IRAK3: variants seen among roughly 807,000 people sequenced by gnomAD.
IRAK3 encodes the protein interleukin 1 receptor associated kinase 3.
Under a neutral mutation model 56.6 loss-of-function variants are expected in IRAK3, and 57 were observed. The ratio of observed to expected loss-of-function variants is 1.01; its 90% CI spans 0.81 to 1.26. IRAK3 has a LOEUF of 1.26. Among genes scored for constraint, IRAK3 ranks in the 50% most tolerant of loss-of-function variants. The pLI, the probability that IRAK3 is intolerant of heterozygous loss-of-function variation, is 0.00. For synonymous variants in IRAK3, 258 were observed against 255.7 expected (o/e 1.01, Z -0.09); for missense variants, 703 against 719.0 (o/e 0.98, Z 0.25).
intron 6 of IRAK3, among the ~76,000 whole-genome samples, chr12:66,223,646 G>A (rs575574738): frequency 1.2e-3 from 185 of 149,042 alleles, no homozygotes; most frequent in South Asian, 6.2e-3. Context: ...GCAACAGAGC[G>A]AGACTCCGTC....
In IRAK3 at chr12:66,196,788, T is replaced by C. The variant is rs1405051910; in HGVS notation, c.134-6923T>C. 2.4e-5 allele frequency: 31 copies of C among 1,288,436 alleles called. 1 individual carries two copies. In the East Asian group the frequency reaches 5.0e-4, roughly 21 times the overall value. 79.8% of individuals were successfully genotyped at this position (1,288,436 alleles called of 1,614,324 possible). A position where few individuals can be genotyped will look rare whatever the true frequency, so the allele number is the denominator to read the frequency against. On this transcript the variant is annotated intron_variant, in intron 1 of 11. Coordinates refer to ENST00000261233, the MANE Select transcript of IRAK3 (RefSeq NM_007199.3). Reference sequence around the variant, plus strand: ...TGTTTTACTCTTTTGGAATTAAAAATGTCTTTAACCTTAAAAGTTCTTTTA... The same window carrying C: ...TGTTTTACTCTTTTGGAATTAAAAACGTCTTTAACCTTAAAAGTTCTTTTA...
intron 1 of IRAK3, among the ~76,000 whole-genome samples, chr12:66,201,485 C>T (rs1226538919): frequency 2.0e-5 from 3 of 152,200 alleles, no homozygotes; most frequent in African/African-American, 4.8e-5. Flanking sequence ...AAGCCCAAAA[C>T]ACATTGTTAA....
intron 8 of IRAK3, chr12:66,234,863 T>C (rs1267305624): frequency 1.2e-6 from 2 of 1,612,030 alleles, no homozygotes; most frequent in African/African-American, 2.7e-5. Context: ...ATTAGAAATG[T>C]AGAGGTTGGT....
At chr12:66,201,591 T>C (rs1317986517) in intron 1 of IRAK3, among the ~76,000 whole-genome samples, 2 of 152,232 alleles carry the variant, frequency 1.3e-5, no homozygotes, top group Admixed American at 6.5e-5. Context: ...TGCCTCAAAG[T>C]ACACTTTAAA....
chr12:66,214,539 A>AAAAACAAAACAAAAC (rs71096078), intron 5 of IRAK3, among the ~76,000 whole-genome samples: 58,477 of 147,752 alleles, frequency 0.4, 14,481 homozygotes, highest in Non-Finnish European at 0.52. Flanking sequence ...AGACCCTATC[A>AAAAACAAAACAAAAC]AAAACAAAAC....
chr12:66,227,151 G>A (rs1460898770), intron 7 of IRAK3, among the ~76,000 whole-genome samples: 2 of 152,022 alleles, frequency 1.3e-5, no homozygotes, highest in Admixed American at 1.3e-4. Context: ...CAGTGAGTTG[G>A]CATCAACTAC....
intron 6 of IRAK3, among the ~76,000 whole-genome samples, chr12:66,222,320 G>C (rs1592591258): frequency 6.6e-6 from 1 of 151,944 alleles, no homozygotes; most frequent in East Asian, 1.9e-4. Flanking sequence ...TCTTCGTTGG[G>C]AGGTTTTTGA....
intron 6 of IRAK3, among the ~76,000 whole-genome samples, chr12:66,222,935 G>C (rs953412589): frequency 3.2e-4 from 49 of 152,232 alleles, no homozygotes; most frequent in Middle Eastern, 3.4e-3. Context: ...AGTCCGAAAA[G>C]AGAGTCAGCG....
chr12:66,220,514 C>CTTCTTTTTTTT lies in IRAK3; in HGVS notation c.653+3281_653+3282insCTTTTTTTTTT, dbSNP rs767977181. On this transcript the variant is annotated intron_variant, in intron 6 of 11. Transcript: ENST00000261233. ...AATGCCTCTGGCTTTGTTCTTCTTT[C>CTTCTTTTTTTT]TTTTTTTTTTTTTTTTTTTTTTTTG... 1.6e-3 allele frequency among the ~76,000 whole-genome samples: 110 copies of CTTCTTTTTTTT among 67,354 alleles called. 1 individual carries two copies. Among genetic ancestry groups the CTTCTTTTTTTT allele is most frequent in the African/African-American group, 2.6e-3 (36 of 13,646 alleles). The allele number at this position is 67,354 out of a possible 152,430, so 44.2% of individuals were successfully genotyped here.
At chr12:66,202,344 T>TTG (rs530631248) in intron 1 of IRAK3, among the ~76,000 whole-genome samples, 1 of 152,060 alleles carries the variant, frequency 6.6e-6, no homozygotes, top group Non-Finnish European at 1.5e-5. Flanking sequence ...CTATACACCA[T>TTG]TGTCCAATCA....
chr12:66,198,843 C>A (rs1202294793), intron 1 of IRAK3, among the ~76,000 whole-genome samples: 1 of 151,200 alleles, frequency 6.6e-6, no homozygotes, highest in Non-Finnish European at 1.5e-5. Context: ...GTAGCTTCAA[C>A]CTCCTGGGCT....
chr12:66,250,916 T>A lies in IRAK3; in HGVS notation c.*2745T>A, dbSNP rs2053092829. 6.6e-6 allele frequency: 1 copy of A among 152,228 alleles called. No individual in the cohort carries two copies. Among genetic ancestry groups the A allele is most frequent in the Non-Finnish European group, 1.5e-5 (1 of 68,042 alleles). 9.4% of individuals were successfully genotyped at this position (152,228 alleles called of 1,614,324 possible). A position where few individuals can be genotyped will look rare whatever the true frequency, so the allele number is the denominator to read the frequency against. ...TCCCAGGTGATGCTGATGCCAATGA[T>A]GTGAAGCCCGCTCTTCACATCCGTG... On this transcript the variant is annotated 3_prime_UTR_variant, in exon 12 of 12. Transcript: ENST00000261233.
intron 1 of IRAK3, chr12:66,196,879 G>A: frequency 6.6e-7 from 1 of 1,508,562 alleles, no homozygotes. Flanking sequence ...TTCCCTTACA[G>A]TGTCTAAAAA....
At chr12:66,238,229 G>A (rs1356910393) in intron 8 of IRAK3, among the ~76,000 whole-genome samples, 6 of 152,210 alleles carry the variant, frequency 3.9e-5, no homozygotes, top group Admixed American at 6.5e-5. Context: ...TGCATAGTAA[G>A]TACTAATACC....
At position 66,244,648 on chromosome 12, in the gene IRAK3, AC is replaced by A. The variant is rs1565812692; in HGVS notation, c.1051del (p.Leu351PhefsTer13). The A allele has an allele frequency of 4.3e-6, 7 of 1,613,952 alleles. No homozygotes were observed. The highest frequency in any genetic ancestry group is 1.7e-5 in the Admixed American group (1 of 60,002). On this transcript the variant is annotated frameshift_variant, in exon 9 of 12. Coordinates refer to ENST00000261233, the MANE Select transcript of IRAK3 (RefSeq NM_007199.3). LOFTEE classifies it high-confidence loss of function. ...MPEEYIRQGK[L>X]SIKTDVYSFG... ...CAGAAGAGTACATCAGACAGGGGAA[AC>A]TTTCCATTAAAACAGATGTCTACAG... is the stretch of plus-strand genomic sequence containing the variant.
rs756820617 is a variant in IRAK3, at chr12:66,247,929, C to T, written c.1549C>T (p.Leu517=). ...FECSQSEVMF[L]SLDKKPESKR... ...ATGCAGCCAGTCTGAGGTTATGTTT[C>T]TGAGCTTGGACAAAAAGCCAGAGAG... Residue 517 remains leucine, a synonymous_variant, in exon 12 of 12, where the codon CTG becomes TTG. Transcript: ENST00000261233. 10 of 1,614,144 alleles carry T rather than the reference C, an allele frequency of 6.2e-6. No individual in the cohort carries two copies. In the South Asian group the frequency reaches 6.6e-5, roughly 11 times the overall value.
At chr12:66,192,759 A>G (rs2136910075) in intron 1 of IRAK3, among the ~76,000 whole-genome samples, 1 of 152,304 alleles carries the variant, frequency 6.6e-6, no homozygotes, top group East Asian at 1.9e-4. Context: ...ACTATTGGCC[A>G]TTGTGGTAAG....
In IRAK3 at chr12:66,226,760, T is replaced by G; in HGVS notation, c.691T>G (p.Phe231Val). 1.9e-6 allele frequency: 3 copies of G among 1,611,138 alleles called. No homozygotes were observed. The highest frequency in any genetic ancestry group is 2.5e-6 in the Non-Finnish European group (3 of 1,177,238). Residue 231 changes from phenylalanine to valine, a missense_variant, in exon 7 of 12, where the codon TTT becomes GTT. Coordinates refer to ENST00000261233, the MANE Select transcript of IRAK3 (RefSeq NM_007199.3). ...AAACATACTAGAGTTGGCTGCATAT[T>G]TTACAGAGACTGAGAAGTTCTGTCT... is the stretch of plus-strand genomic sequence containing the variant. ...HPNILELAAY[F>V]TETEKFCLIY...
chr12:66,215,505 T>C (rs913548071), intron 5 of IRAK3, among the ~76,000 whole-genome samples: 1 of 152,218 alleles, frequency 6.6e-6, no homozygotes, highest in African/African-American at 2.4e-5. Flanking sequence ...CAGCTTTTTT[T>C]GAAGAGCTCT....
Sources: gnomAD v4.1 joint callset for allele counts (sites outside exome capture counted in the v4.1 genomes callset) on GRCh38, gnomAD v4.1.1 for gene constraint, MANE v1.5 for transcripts, NCBI Gene and HGNC (gene_info 2026-07-23, HGNC 2026-07-21) for gene names.